CAAP1: variants seen among roughly 807,000 people sequenced by gnomAD.
CAAP1 encodes the protein conserved anti-apoptotic protein.
CAAP1 carries 20 observed loss-of-function variants against 34.0 expected under a neutral mutation model. That is an observed-to-expected ratio of 0.59 (90% CI 0.41 to 0.86). The LOEUF is 0.86. Among genes scored for constraint, CAAP1 ranks in the 40% least tolerant of loss-of-function variants. The pLI, the probability that CAAP1 is intolerant of heterozygous loss-of-function variation, is 0.00. For missense variants in CAAP1, 538 were observed against 450.5 expected (o/e 1.19, Z -1.76); for synonymous variants, 213 against 166.7 (o/e 1.28, Z -2.14).
intron 4 of CAAP1, chr9:26,869,973 A>G: frequency 1.0e-6 from 1 of 984,214 alleles, no homozygotes; most frequent in Non-Finnish European, 1.2e-6. Flanking sequence ...GAGGCAGTAA[A>G]TTGACTGATG....
In CAAP1 at chr9:26,841,523, A is replaced by G. The variant is rs925016661; in HGVS notation, c.*778T>C. On this transcript the variant is annotated 3_prime_UTR_variant, in exon 6 of 6. Coordinates refer to ENST00000333916, the MANE Select transcript of CAAP1 (RefSeq NM_024828.4). Reference sequence around the variant, plus strand: ...TATTTCTGATTCATGGAATTATAGCACATCAGATCTTTAAGCAACTACATC... The same window carrying G: ...TATTTCTGATTCATGGAATTATAGCGCATCAGATCTTTAAGCAACTACATC... The G allele has an allele frequency of 1.3e-5, 2 of 152,594 alleles. No individual in the cohort carries two copies. Among genetic ancestry groups the G allele is most frequent in the African/African-American group, 4.8e-5 (2 of 41,460 alleles). 9.5% of individuals were successfully genotyped at this position (152,594 alleles called of 1,614,324 possible).
intron 5 of CAAP1, among the ~76,000 whole-genome samples, chr9:26,858,389 C>T (rs1822922009): frequency 6.6e-6 from 1 of 152,084 alleles, no homozygotes; most frequent in Non-Finnish European, 1.5e-5. Flanking sequence ...CAGATTTCAG[C>T]TATATTAATA....
At chr9:26,866,554 C>A (rs374927927) in intron 4 of CAAP1, among the ~76,000 whole-genome samples, 6 of 152,266 alleles carry the variant, frequency 3.9e-5, no homozygotes, top group African/African-American at 1.4e-4. Context: ...TGTTAAAAAA[C>A]AGACAATACA....
intron 5 of CAAP1, among the ~76,000 whole-genome samples, chr9:26,853,804 G>A (rs1279277541): frequency 6.6e-6 from 1 of 152,024 alleles, no homozygotes; most frequent in Non-Finnish European, 1.5e-5. Flanking sequence ...GGAGATAAGG[G>A]GAGTATACAG....
intron 5 of CAAP1, among the ~76,000 whole-genome samples, chr9:26,844,113 T>C (rs986902106): frequency 1.3e-5 from 2 of 152,016 alleles, no homozygotes; most frequent in African/African-American, 4.8e-5. Context: ...ATCCCAGCAC[T>C]TTGGGAGGCT....
At chr9:26,887,282 T>C in intron 2 of CAAP1, 31 bp downstream of exon 2, 1 of 1,367,368 alleles carries the variant, frequency 7.3e-7, no homozygotes, top group Non-Finnish European at 9.9e-7. Context: ...TATTTCTACA[T>C]ATGTATCTAG....
rs556873258 is a variant in CAAP1 at position 26,854,203 on chromosome 9, G to A, written c.739+6863C>T. 4.4e-4 allele frequency among the ~76,000 whole-genome samples: 67 copies of A among 152,126 alleles called. 2 individuals are homozygous for A. Among genetic ancestry groups the A allele is most frequent in the African/African-American group, 1.6e-3 (65 of 41,434 alleles). On this transcript the variant is annotated intron_variant, in intron 5 of 5. Coordinates refer to ENST00000333916, the MANE Select transcript of CAAP1 (RefSeq NM_024828.4). ...GAGCATTTAATATCTACTAAGCACT[G>A]CTCTAAAGCATTTTGCATGTATTAA...
chr9:26,855,670 C>CA (rs1401984077), intron 5 of CAAP1, among the ~76,000 whole-genome samples: 1 of 152,150 alleles, frequency 6.6e-6, no homozygotes, highest in East Asian at 1.9e-4. Flanking sequence ...GCCAAAACTG[C>CA]AAATTAAATC....
intron 5 of CAAP1, among the ~76,000 whole-genome samples, chr9:26,845,872 T>C (rs1470971025): frequency 6.6e-6 from 1 of 152,182 alleles, no homozygotes; most frequent in Non-Finnish European, 1.5e-5. Context: ...CTTCATTTGT[T>C]TTAGCTATGT....
intron 5 of CAAP1, among the ~76,000 whole-genome samples, chr9:26,847,314 A>G (rs752421931): frequency 7.4e-6 from 1 of 134,630 alleles, no homozygotes; most frequent in Non-Finnish European, 1.5e-5. Context: ...TCCCGGGTTC[A>G]CGCCATTCTC....
At chr9:26,892,166 A>T (rs1452063161) in intron 1 of CAAP1, 2 of 1,078,218 alleles carry the variant, frequency 1.9e-6, no homozygotes, top group Non-Finnish European at 2.6e-6. Flanking sequence ...GAAGGAGCCA[A>T]GAGTTTAAAA....
At chr9:26,880,239 A>C in intron 4 of CAAP1, 1 of 415,038 alleles carries the variant, frequency 2.4e-6, no homozygotes, top group Non-Finnish European at 4.8e-6. Context: ...GTCTTCAAAA[A>C]GGACAACCAG....
chr9:26,876,549 G>A (rs985423775), intron 4 of CAAP1, among the ~76,000 whole-genome samples: 1 of 140,860 alleles, frequency 7.1e-6, no homozygotes, highest in African/African-American at 2.6e-5. Flanking sequence ...TAAGTGCCCT[G>A]TACAGGTGTA....
chr9:26,887,354 C>G lies in CAAP1; in HGVS notation c.463G>C (p.Gly155Arg). The G allele has an allele frequency of 1.9e-6, 3 of 1,608,726 alleles. No homozygotes were observed. ...EMLQQCFCIIGEKKLQKMLPD... is the reference protein window; with the variant it reads ...EMLQQCFCIIREKKLQKMLPD... ...AGCATCTTCTGTAACTTTTTCTCTC[C>G]TATAATACAGAAGCACTGCTGAAGC... The change falls in exon 2 of 6, where the codon GGA (glycine) becomes CGA (arginine). Residue 155 changes from glycine (G) to arginine (R), a missense_variant. Around this residue, in one of 3 missense-constraint regions of CAAP1, gnomAD observed 514 missense variants for 408.4 expected, o/e 1.26. Transcript: ENST00000333916.
At chr9:26,882,821 C>A (rs536678661) in intron 4 of CAAP1, among the ~76,000 whole-genome samples, 12 of 152,284 alleles carry the variant, frequency 7.9e-5, no homozygotes, top group South Asian at 4.1e-4. Context: ...CCATGGAAAC[C>A]TACCATTTGC....
Position 26,892,604 on chromosome 9 carries a change from C to A in CAAP1, c.112G>T (p.Gly38Ter). ...IVPALASGSSGSTSGCGSAGG... is the reference protein window; with the variant it reads ...IVPALASGSS The stretch of plus-strand genomic sequence containing the variant: ...GCGCTCCCGCAGCCGCTAGTGCTTC[C>A]ACTGCTGCCGCTGGCCAACGCGGGT... The change falls in exon 1 of 6, where the codon GGA becomes TGA. Residue 38 changes from glycine (G) to a stop codon, truncating the protein, a stop_gained. Transcript: ENST00000333916. LOFTEE classifies it high-confidence loss of function. The A allele has an allele frequency of 6.2e-7, 1 of 1,608,658 alleles. No homozygotes were observed. The highest frequency in any genetic ancestry group is 8.5e-7 in the Non-Finnish European group (1 of 1,179,076).
Position 26,885,354 on chromosome 9 carries a change from C to T in CAAP1, c.590-469G>A, listed in dbSNP as rs181307357. 2.7e-3 allele frequency among the ~76,000 whole-genome samples: 411 copies of T among 152,182 alleles called. 5 individuals are homozygous for T. Among genetic ancestry groups the T allele is most frequent in the Admixed American group, 0.023 (346 of 15,280 alleles). On this transcript the variant is annotated intron_variant, in intron 3 of 5. Coordinates refer to ENST00000333916, the MANE Select transcript of CAAP1 (RefSeq NM_024828.4). ...CCTCCCAAAGTGCTGGGATTACAGG[C>T]GTGAGCCATCGCGCCCGGCCTCATT...
At chr9:26,883,237 G>T (rs1256626749) in intron 4 of CAAP1, among the ~76,000 whole-genome samples, 1 of 152,142 alleles carries the variant, frequency 6.6e-6, no homozygotes, top group African/African-American at 2.4e-5. Context: ...AATCTCATCT[G>T]GAATTACAGC....
chr9:26,890,396 T>A (rs1248509104), intron 1 of CAAP1, among the ~76,000 whole-genome samples: 1 of 150,550 alleles, frequency 6.6e-6, no homozygotes, highest in East Asian at 1.9e-4. Context: ...AAAAGGAAAC[T>A]ATTTAAAATA....
Sources: allele counts gnomAD v4.1 joint callset (sites outside exome capture counted in the v4.1 genomes callset), GRCh38; gene constraint gnomAD v4.1.1; regional missense constraint gnomAD v4.1.1; transcripts MANE v1.5; gene names NCBI Gene and HGNC (gene_info 2026-07-23, HGNC 2026-07-21).